Variants in TBC1D12 observed in about 807,000 individuals in gnomAD.
TBC1D12 encodes TBC1 domain family member 12.
TBC1D12 carries 56 observed loss-of-function variants against 86.7 expected under a neutral mutation model. The observed-to-expected ratio is 0.65, with a 90% CI of 0.52 to 0.81. TBC1D12 has a LOEUF of 0.81. TBC1D12 is among the 30% of genes least tolerant of loss of function. The probability of loss-of-function intolerance (pLI) is 0.00; values close to 1 mark genes in which losing one functional copy is unlikely to be tolerated. For synonymous variants in TBC1D12, 421 were observed against 411.7 expected (o/e 1.02, Z -0.27); for missense variants, 1,023 against 1,038.8 (o/e 0.98, Z 0.21).
intron 3 of TBC1D12, among the ~76,000 whole-genome samples, chr10:94,479,101 G>C (rs565811017): frequency 6.6e-6 from 1 of 152,148 alleles, no homozygotes; most frequent in African/African-American, 2.4e-5. Flanking sequence ...AATCAATGTA[G>C]TAATTTCAAA....
rs1031923023 is a variant in TBC1D12, at chr10:94,536,331, G to T, written c.*3235G>T. Among the ~76,000 whole-genome samples the T allele has an allele frequency of 2.6e-5, 4 of 151,848 alleles. No homozygotes were observed. Among genetic ancestry groups the T allele is most frequent in the African/African-American group, 9.7e-5 (4 of 41,326 alleles). ...CAGGTCTACAATGCCTTATTTAAATGCTGTTAGAAAAAAAAATGCTGTTAG... is the reference window on the plus strand; with the variant it reads ...CAGGTCTACAATGCCTTATTTAAATTCTGTTAGAAAAAAAAATGCTGTTAG... On this transcript the variant is annotated 3_prime_UTR_variant, in exon 13 of 13. Transcript: ENST00000225235.
At chr10:94,468,591 C>CT (rs1231789810) in intron 2 of TBC1D12, among the ~76,000 whole-genome samples, 2 of 151,924 alleles carry the variant, frequency 1.3e-5, no homozygotes, top group African/African-American at 4.8e-5. Flanking sequence ...AATATAAGTG[C>CT]TTTTTTTCTG....
intron 3 of TBC1D12, among the ~76,000 whole-genome samples, chr10:94,481,406 C>G (rs1175085561): frequency 6.6e-6 from 1 of 151,422 alleles, no homozygotes; most frequent in African/African-American, 2.4e-5. Flanking sequence ...AGTGTATCTT[C>G]TGGATAACTT....
chr10:94,437,461 A>T (rs2055318960), intron 1 of TBC1D12, among the ~76,000 whole-genome samples: 1 of 151,682 alleles, frequency 6.6e-6, no homozygotes, highest in African/African-American at 2.4e-5. Context: ...GGAGTAGCTG[A>T]GACTACAGGC....
At chr10:94,507,724 A>G (rs1298521481) in intron 7 of TBC1D12, among the ~76,000 whole-genome samples, 1 of 152,162 alleles carries the variant, frequency 6.6e-6, no homozygotes, top group Non-Finnish European at 1.5e-5. Context: ...GATGGCTCAC[A>G]CCTGTAATCC....
chr10:94,405,361 AT>A lies in TBC1D12; in HGVS notation c.971+1784del, dbSNP rs1394860283. ...TTATTCCTCTTTCTAGTTTATCCTT[AT>A]TTTTTTGCTTGTATAAATTTACAAA... On this transcript the variant is annotated intron_variant, in intron 1 of 12. Transcript: ENST00000225235. Among the ~76,000 whole-genome samples, 5 of 152,194 alleles carry A rather than the reference AT, an allele frequency of 3.3e-5. No individual in the cohort carries two copies. The South Asian group carries it at 1.0e-3, about 32-fold the overall frequency.
intron 1 of TBC1D12, among the ~76,000 whole-genome samples, chr10:94,425,269 T>C (rs1160879654): frequency 2.6e-5 from 4 of 152,190 alleles, no homozygotes; most frequent in Non-Finnish European, 5.9e-5. Context: ...GGGAGTTTTT[T>C]TGGCGTGATG....
intron 3 of TBC1D12, among the ~76,000 whole-genome samples, chr10:94,489,826 G>A (rs1379082639): frequency 6.6e-6 from 1 of 152,118 alleles, no homozygotes; most frequent in African/African-American, 2.4e-5. Flanking sequence ...TGTTTGCCTT[G>A]GCACACAAAT....
intron 9 of TBC1D12, among the ~76,000 whole-genome samples, chr10:94,517,324 G>C (rs1842024284): frequency 6.6e-6 from 1 of 152,180 alleles, no homozygotes. Context: ...GTTGCAGTGA[G>C]CTGAGGTTGT....
At chr10:94,407,551 G>A (rs761234679) in intron 1 of TBC1D12, among the ~76,000 whole-genome samples, 10 of 152,178 alleles carry the variant, frequency 6.6e-5, no homozygotes, top group Non-Finnish European at 1.2e-4. Context: ...GGGCGTGGTG[G>A]TGGGTGCCTG....
chr10:94,441,974 C>A lies in TBC1D12; in HGVS notation c.1050C>A (p.Val350=). ...CTGGTTGGAAATTATTTGGTAAAGT[C>A]CCTCCTAGAGAGAATCTTCAGAAAA... ...SAPGWKLFGK[V]PPRENLQKTS... The change falls in exon 2 of 13, where the codon GTC becomes GTA. Residue 350 remains valine (V), a synonymous_variant. Transcript: ENST00000225235. 6.2e-7 allele frequency: 1 copy of A among 1,613,240 alleles called. No homozygotes were observed. Among genetic ancestry groups the A allele is most frequent in the South Asian group, 1.1e-5 (1 of 91,034 alleles).
chr10:94,435,607 T>C (rs2055282779), intron 1 of TBC1D12, among the ~76,000 whole-genome samples: 1 of 152,204 alleles, frequency 6.6e-6, no homozygotes, highest in South Asian at 2.1e-4. Context: ...TTTTTTGTCA[T>C]TTATGTGTGT....
At chr10:94,452,552 G>C (rs1456109679) in intron 2 of TBC1D12, among the ~76,000 whole-genome samples, 6 of 152,066 alleles carry the variant, frequency 3.9e-5, no homozygotes, top group Admixed American at 3.9e-4. Context: ...GCTGTTTCAG[G>C]TTGGTTTCTT....
intron 2 of TBC1D12, among the ~76,000 whole-genome samples, chr10:94,458,995 C>T (rs776803416): frequency 6.6e-6 from 1 of 152,134 alleles, no homozygotes; most frequent in Admixed American, 6.5e-5. Context: ...AGCGGGTTGG[C>T]GTTGTTGGCT....
At position 94,521,976 on chromosome 10, in the gene TBC1D12, G is replaced by A; in HGVS notation, c.1783G>A (p.Ala595Thr). Reference protein sequence around the residue: ...VGYVQGMSFIAAVLILNLEEA... With the variant: ...VGYVQGMSFITAVLILNLEEA... ...GAAGGTCCAAGGGATGTCCTTCATT[G>A]CAGCAGTACTCATTCTCAATTTGGA... Residue 595 changes from alanine to threonine, a missense_variant, in exon 10 of 13, where the codon GCA (alanine) becomes ACA (threonine). By Grantham distance (58) the Ala-to-Thr change is moderately conservative. This residue lies in a region of TBC1D12 where 395 missense variants were observed against 507.7 expected (regional missense o/e 0.78). Coordinates refer to ENST00000225235, the MANE Select transcript of TBC1D12 (RefSeq NM_015188.2). The A allele has an allele frequency of 6.2e-7, 1 of 1,606,398 alleles. No individual in the cohort carries two copies. Among genetic ancestry groups the A allele is most frequent in the Non-Finnish European group, 8.5e-7 (1 of 1,174,940 alleles).
At chr10:94,525,286 A>G (rs1842258449) in intron 11 of TBC1D12, among the ~76,000 whole-genome samples, 1 of 152,180 alleles carries the variant, frequency 6.6e-6, no homozygotes, top group African/African-American at 2.4e-5. Context: ...TTGCTGTTCA[A>G]GTATTATACA....
intron 6 of TBC1D12, among the ~76,000 whole-genome samples, chr10:94,501,854 G>C (rs1489474952): frequency 1.3e-5 from 2 of 151,818 alleles, no homozygotes; most frequent in Non-Finnish European, 2.9e-5. Context: ...GGCTTGCAGA[G>C]TAGTTTTGAT....
At chr10:94,437,780 T>C (rs1459194092) in intron 1 of TBC1D12, among the ~76,000 whole-genome samples, 4 of 152,098 alleles carry the variant, frequency 2.6e-5, no homozygotes, top group Admixed American at 2.6e-4. Context: ...ATTTGCCAGC[T>C]CTTTCTTCTG....
At chr10:94,461,426 C>A (rs1451526259) in intron 2 of TBC1D12, among the ~76,000 whole-genome samples, 1 of 152,104 alleles carries the variant, frequency 6.6e-6, no homozygotes, top group African/African-American at 2.4e-5. Context: ...CTCCTGAGGG[C>A]AGACCTTGTT....
Sources: allele counts gnomAD v4.1 joint callset (sites outside exome capture counted in the v4.1 genomes callset), GRCh38; gene constraint gnomAD v4.1.1; regional missense constraint gnomAD v4.1.1; transcripts MANE v1.5; gene names NCBI Gene and HGNC (gene_info 2026-07-23, HGNC 2026-07-21).